The following RALGPS1 variants were observed in gnomAD, a reference collection of about 807,000 sequenced individuals.
RALGPS1 encodes Ral GEF with PH domain and SH3 binding motif 1, also known as ras-specific guanine nucleotide-releasing factor RalGPS1.
RALGPS1 carries 19 observed loss-of-function variants against 78.8 expected under a neutral mutation model. The observed-to-expected ratio is 0.24, with a 90% CI of 0.17 to 0.35. The LOEUF (loss-of-function observed/expected upper bound fraction) is 0.35, where lower values mean the gene tolerates loss of function less well. Among genes scored for constraint, RALGPS1 ranks in the 10% least tolerant of loss-of-function variants. RALGPS1 has a pLI of 1.00. For synonymous variants in RALGPS1, 228 were observed against 256.3 expected (o/e 0.89, Z 1.06); for missense variants, 454 against 688.3 (o/e 0.66, Z 3.81).
intron 11 of RALGPS1, chr9:127,178,040 C>G: frequency 4.0e-6 from 6 of 1,494,036 alleles, no homozygotes; most frequent in Non-Finnish European, 4.5e-6. Flanking sequence ...ATGGGCCGGC[C>G]CAGGGTCCTG....
chr9:127,094,410 A>G (rs946507561), intron 8 of RALGPS1, among the ~76,000 whole-genome samples: 11 of 152,198 alleles, frequency 7.2e-5, no homozygotes, highest in African/African-American at 2.7e-4. Context: ...ACTCAGTTCC[A>G]CTGGATTACT....
At chr9:127,164,119 T>C (rs2059164413) in intron 8 of RALGPS1, among the ~76,000 whole-genome samples, 1 of 152,230 alleles carries the variant, frequency 6.6e-6, no homozygotes, top group Non-Finnish European at 1.5e-5. Flanking sequence ...TCAATGAAAG[T>C]AGATAATATA....
At chr9:127,217,046 C>T (rs1306906350) in intron 18 of RALGPS1, 2 of 1,468,576 alleles carry the variant, frequency 1.4e-6, no homozygotes, top group Non-Finnish European at 1.8e-6. Flanking sequence ...ACAGTGGTAG[C>T]CCTGAGTAAA....
At chr9:127,112,629 T>G (rs991563111) in intron 8 of RALGPS1, among the ~76,000 whole-genome samples, 3 of 152,248 alleles carry the variant, frequency 2.0e-5, no homozygotes, top group Admixed American at 6.5e-5. Context: ...ACTTGAGACC[T>G]CAAAGGCTGA....
chr9:126,988,242 G>A (rs775536261), intron 4 of RALGPS1, among the ~76,000 whole-genome samples: 17 of 152,168 alleles, frequency 1.1e-4, no homozygotes, highest in Non-Finnish European at 2.1e-4. Context: ...GCCATACAAG[G>A]CCTGGCATCT....
intron 11 of RALGPS1, among the ~76,000 whole-genome samples, chr9:127,188,832 T>TAAAAAAAAAAAAAAAAAAA (rs202172226): frequency 3.4e-5 from 3 of 87,474 alleles, no homozygotes; most frequent in East Asian, 8.2e-4. Flanking sequence ...CCATCTCTAC[T>TAAAAAAAAAAAAAAAAAAA]AAAAAAAAAA....
intron 8 of RALGPS1, among the ~76,000 whole-genome samples, chr9:127,145,241 G>A (rs564810843): frequency 3.9e-4 from 59 of 152,240 alleles, no homozygotes; most frequent in African/African-American, 1.3e-3. Flanking sequence ...GCACTTCGTC[G>A]GTATTATCTC....
intron 7 of RALGPS1, among the ~76,000 whole-genome samples, chr9:127,059,357 C>T (rs372702832): frequency 6.6e-5 from 10 of 152,286 alleles, no homozygotes; most frequent in African/African-American, 2.2e-4. Context: ...CCCTCACTCA[C>T]ACATCCTCAT....
chr9:127,153,829 T>TGGG (rs2058565967), intron 8 of RALGPS1, among the ~76,000 whole-genome samples: 1 of 152,034 alleles, frequency 6.6e-6, no homozygotes, highest in African/African-American at 2.4e-5. Context: ...AAGTCAGAAT[T>TGGG]GAGTAAAATT....
intron 12 of RALGPS1, 117 bp from the exon 13 acceptor site, chr9:127,196,357 T>G (rs1301230342): frequency 8.3e-7 from 1 of 1,199,636 alleles, no homozygotes; most frequent in African/African-American, 1.5e-5. Context: ...GTACCGTGGC[T>G]CTGGGTGGAG....
At chr9:126,988,963 C>T (rs762612224) in intron 4 of RALGPS1, among the ~76,000 whole-genome samples, 7 of 152,014 alleles carry the variant, frequency 4.6e-5, no homozygotes, top group African/African-American at 7.3e-5. Context: ...CAGAGACAGC[C>T]GATGGCCTGA....
At chr9:126,972,110 A>T (rs1385751175) in intron 3 of RALGPS1, among the ~76,000 whole-genome samples, 1 of 152,194 alleles carries the variant, frequency 6.6e-6, no homozygotes, top group African/African-American at 2.4e-5. Context: ...AGCCTGGTAC[A>T]TCTTCCCAGT....
intron 10 of RALGPS1, among the ~76,000 whole-genome samples, chr9:127,170,632 C>T (rs1010622400): frequency 1.8e-4 from 27 of 152,244 alleles, no homozygotes; most frequent in African/African-American, 5.8e-4. Context: ...ATTTATGCAC[C>T]AGTATTGTGA....
intron 4 of RALGPS1, among the ~76,000 whole-genome samples, chr9:127,003,884 G>A (rs897895541): frequency 6.6e-6 from 1 of 152,070 alleles, no homozygotes; most frequent in Non-Finnish European, 1.5e-5. Context: ...CAGTTGTCCA[G>A]CATCTCTGTC....
intron 5 of RALGPS1, among the ~76,000 whole-genome samples, chr9:127,042,303 G>A (rs942082248): frequency 7.2e-5 from 11 of 152,202 alleles, no homozygotes; most frequent in Non-Finnish European, 7.4e-5. Context: ...TGTATTAAAA[G>A]TTTATTAGCA....
At chr9:127,108,351 G>C in intron 8 of RALGPS1, 1 of 1,612,158 alleles carries the variant, frequency 6.2e-7, no homozygotes, top group Non-Finnish European at 8.5e-7. Context: ...TCATGTTGCG[G>C]CTCTCCTTGC....
At chr9:126,997,409 C>T (rs2042876102) in intron 4 of RALGPS1, among the ~76,000 whole-genome samples, 1 of 152,150 alleles carries the variant, frequency 6.6e-6, no homozygotes. Flanking sequence ...TGAGTGAACT[C>T]CCATTCACAA....
rs2062797904 is a variant in RALGPS1 at position 127,222,483 on chromosome 9, G to T, written c.*3714G>T. 6.6e-6 allele frequency: 1 copy of T among 152,212 alleles called. No homozygotes were observed. The highest frequency in any genetic ancestry group is 2.1e-4 in the South Asian group (1 of 4,832). 9.4% of individuals were successfully genotyped at this position (152,212 alleles called of 1,614,324 possible). ...ATAGGTTTCTGTTTTTAATTTCAAT[G>T]TTAAATACAACTACAATATGAGCGA... On this transcript the variant is annotated 3_prime_UTR_variant, in exon 19 of 19. Coordinates refer to ENST00000259351, the MANE Select transcript of RALGPS1 (RefSeq NM_014636.3).
chr9:126,920,048 G>A (rs1335499981), intron 1 of RALGPS1, among the ~76,000 whole-genome samples: 1 of 152,108 alleles, frequency 6.6e-6, no homozygotes, highest in Admixed American at 6.5e-5. Context: ...CTGGATCAGA[G>A]CACACATCAT....
Sources: gnomAD v4.1 joint callset for allele counts (sites outside exome capture counted in the v4.1 genomes callset) on GRCh38, gnomAD v4.1.1 for gene constraint, MANE v1.5 for transcripts, NCBI Gene and HGNC (gene_info 2026-07-23, HGNC 2026-07-21) for gene names.